The following ABCA5 variants were observed in gnomAD, a reference collection of about 807,000 sequenced individuals.
ABCA5 encodes ATP binding cassette subfamily A member 5.
ABCA5 carries 163 observed loss-of-function variants against 206.0 expected under a neutral mutation model. The observed-to-expected ratio is 0.79, with a 90% CI of 0.70 to 0.90. The LOEUF (loss-of-function observed/expected upper bound fraction) is 0.90. Among genes scored for constraint, ABCA5 ranks in the 40% least tolerant of loss-of-function variants. The probability of loss-of-function intolerance (pLI) is 0.00; values close to 1 mark genes in which losing one functional copy is unlikely to be tolerated. For missense variants in ABCA5, 1,859 were observed against 1,912.9 expected (o/e 0.97, Z 0.53); for synonymous variants, 609 against 613.8 (o/e 0.99, Z 0.11).
intron 1 of ABCA5, among the ~76,000 whole-genome samples, chr17:69,316,315 A>G (rs1298523269): frequency 6.6e-6 from 1 of 152,162 alleles, no homozygotes; most frequent in Non-Finnish European, 1.5e-5. Context: ...CAACATGGTA[A>G]AACCCCATCT....
chr17:69,263,697 C>CTTTTTT (rs58369537), intron 24 of ABCA5, among the ~76,000 whole-genome samples: 1,934 of 103,616 alleles, frequency 0.019, 164 homozygotes, highest in African/African-American at 0.049. Context: ...ACATGGATTC[C>CTTTTTT]TTTTTTTTTT....
At chr17:69,251,904 T>C in intron 34 of ABCA5, 38 bp from the exon 35 acceptor site, 1 of 1,589,318 alleles carries the variant, frequency 6.3e-7, no homozygotes, top group Non-Finnish European at 8.5e-7. Context: ...GAGGAACACA[T>C]CTGTTTGTTA....
At chr17:69,260,267 C>A in intron 27 of ABCA5, 71 bp downstream of exon 27, 3 of 1,170,194 alleles carry the variant, frequency 2.6e-6, no homozygotes, top group South Asian at 1.5e-5. Flanking sequence ...AAAAACTAAA[C>A]ATAGTTAAAA....
chr17:69,258,686 A>T (rs1158669326), intron 28 of ABCA5, among the ~76,000 whole-genome samples: 1 of 152,106 alleles, frequency 6.6e-6, no homozygotes, highest in Non-Finnish European at 1.5e-5. Flanking sequence ...TTACCCCCAA[A>T]TCTAAAATAT....
intron 9 of ABCA5, among the ~76,000 whole-genome samples, chr17:69,300,309 G>A (rs1275025234): frequency 6.6e-6 from 1 of 152,168 alleles, no homozygotes; most frequent in African/African-American, 2.4e-5. Flanking sequence ...GACAGGAGGT[G>A]GAGCTCAGGT....
chr17:69,275,556 A>T (rs1461627110), intron 19 of ABCA5, among the ~76,000 whole-genome samples: 1 of 152,218 alleles, frequency 6.6e-6, no homozygotes, highest in Non-Finnish European at 1.5e-5. Context: ...ATTCACAATT[A>T]AATAATATTT....
chr17:69,299,700 A>G (rs2075630997), intron 9 of ABCA5, among the ~76,000 whole-genome samples: 1 of 151,850 alleles, frequency 6.6e-6, no homozygotes, highest in South Asian at 2.1e-4. Flanking sequence ...GGCTCAGGGA[A>G]AAGGTGGGAG....
rs2074963562 is a variant in ABCA5 at position 69,247,462 on chromosome 17, A to G, written c.*75T>C. ...TGGTTCTCCAGTTACCATTCCAATAAAAAACTTTTTAAACCAAAGTTAAAA... is the reference window on the plus strand; with the variant it reads ...TGGTTCTCCAGTTACCATTCCAATAGAAAACTTTTTAAACCAAAGTTAAAA... On this transcript the variant is annotated 3_prime_UTR_variant, in exon 39 of 39. Transcript: ENST00000392676. 9.6e-7 allele frequency: 1 copy of G among 1,040,664 alleles called. No homozygotes were observed. Among genetic ancestry groups the G allele is most frequent in the Admixed American group, 2.7e-5 (1 of 37,418 alleles). 64.5% of individuals were successfully genotyped at this position (1,040,664 alleles called of 1,614,324 possible).
rs1380959027 is a variant in ABCA5 at position 69,255,738 on chromosome 17, T to A, written c.3971A>T (p.Lys1324Ile). 1.3e-6 allele frequency: 2 copies of A among 1,583,604 alleles called. No homozygotes were observed. The highest frequency in any genetic ancestry group is 2.4e-5 in the South Asian group (2 of 84,448). The stretch of plus-strand genomic sequence containing the variant: ...AGGAAAAATTAAATACCAGCCTTTT[T>A]TCACACAGAAAGAGATGTATTTAGT... ...VATKYISFCV[K>I]KGEILGLLGP... Residue 1324 changes from lysine to isoleucine, a missense_variant, in exon 30 of 39, where the codon AAA becomes ATA. Transcript: ENST00000392676.
At chr17:69,311,484 TTTTTG>T (rs1052710057) in intron 3 of ABCA5, among the ~76,000 whole-genome samples, 4 of 152,236 alleles carry the variant, frequency 2.6e-5, no homozygotes, top group Admixed American at 1.3e-4. Context: ...GTTTGTTCTT[TTTTTG>T]TTTTGTTTTT....
At chr17:69,258,143 T>C (rs2075103966) in intron 28 of ABCA5, among the ~76,000 whole-genome samples, 1 of 151,954 alleles carries the variant, frequency 6.6e-6, no homozygotes, top group Non-Finnish European at 1.5e-5. Context: ...ATAACTACCA[T>C]TCAACCCAGC....
In ABCA5 at chr17:69,245,489, CT is replaced by C. The variant is rs2074940294; in HGVS notation, c.*2047del. 1 of 151,890 alleles carries C rather than the reference CT, an allele frequency of 6.6e-6. No individual in the cohort carries two copies. The highest frequency in any genetic ancestry group is 1.5e-5 in the Non-Finnish European group (1 of 67,824). 9.4% of individuals were successfully genotyped at this position (151,890 alleles called of 1,614,324 possible). A position where few individuals can be genotyped will look rare whatever the true frequency, so the allele number is the denominator to read the frequency against. ...TATATTTCACTTTTTGCCTCCTTTG[CT>C]TTCCAGCTCACTTACCCTTGTTTTC... On this transcript the variant is annotated 3_prime_UTR_variant, in exon 39 of 39. Transcript: ENST00000392676.
chr17:69,311,011 T>C (rs1407183476), intron 3 of ABCA5, among the ~76,000 whole-genome samples: 1 of 152,110 alleles, frequency 6.6e-6, no homozygotes, highest in Non-Finnish European at 1.5e-5. Context: ...CTAGGTAGCA[T>C]GGCGAAACCC....
chr17:69,255,600 A>G lies in ABCA5; in HGVS notation c.4011T>C (p.Ala1337=). 1 of 1,583,006 alleles carries G rather than the reference A, an allele frequency of 6.3e-7. No individual in the cohort carries two copies. The highest frequency in any genetic ancestry group is 1.4e-5 in the African/African-American group (1 of 73,116). The change falls in exon 31 of 39, where the codon GCT becomes GCC. Residue 1337 remains alanine, a synonymous_variant. Coordinates refer to ENST00000392676, the MANE Select transcript of ABCA5 (RefSeq NM_172232.4). ...GAATATTAATAATTGTGCTTTTGCC[A>G]GCACCATTTGGACCCAATAGTCCTA... is the stretch of plus-strand genomic sequence containing the variant. ...EILGLLGPNG[A]GKSTIINILV...
intron 18 of ABCA5, among the ~76,000 whole-genome samples, chr17:69,282,624 C>A (rs746036359): frequency 2.9e-4 from 43 of 150,082 alleles, no homozygotes; most frequent in Non-Finnish European, 3.3e-4. Context: ...CAACAACTAG[C>A]TGGGCGTGGT....
intron 15 of ABCA5, among the ~76,000 whole-genome samples, chr17:69,287,333 A>T (rs938031518): frequency 3.3e-5 from 5 of 152,072 alleles, no homozygotes; most frequent in African/African-American, 1.2e-4. Flanking sequence ...TCCCTTTGCT[A>T]ACTTAGCTTT....
At position 69,285,907 on chromosome 17, in the gene ABCA5, T is replaced by A. The variant is rs1232047392; in HGVS notation, c.2263A>T (p.Lys755Ter). Residue 755 changes from lysine (K) to a stop codon, truncating the protein, a stop_gained, in exon 17 of 39, where the codon AAA becomes TAA. Transcript: ENST00000392676. LOFTEE classifies it high-confidence loss of function. Reference protein sequence around the residue: ...VYSLPFKDMDKFSGLFSALDS... With the variant: ...VYSLPFKDMD The stretch of plus-strand genomic sequence containing the variant: ...TTAAAGTAAGTAATACCTGAAAATT[T>A]GTCCATGTCCTTGAAAGGCAAGCTA... The A allele has an allele frequency of 1.2e-6, 2 of 1,610,802 alleles. No homozygotes were observed. Among genetic ancestry groups the A allele is most frequent in the African/African-American group, 2.7e-5 (2 of 74,760 alleles).
chr17:69,306,415 T>C (rs2075717324), intron 6 of ABCA5, among the ~76,000 whole-genome samples: 2 of 152,114 alleles, frequency 1.3e-5, no homozygotes, highest in East Asian at 1.9e-4. Flanking sequence ...CACAGAAATA[T>C]ACGTGGAGTA....
Position 69,289,252 on chromosome 17 carries a change from A to G in ABCA5, c.1827T>C (p.Asp609=), listed in dbSNP as rs200453508. ...LLDLDMQTIK[D]NQAKKLSGGQ... ...CACCACTTAATTTTTTAGCTTGGTT[A>G]TCTTTGATAGTCTGCATGTCTAAAT... is the stretch of plus-strand genomic sequence containing the variant. Residue 609 remains aspartate, a synonymous_variant, in exon 14 of 39, where the codon GAT becomes GAC. Coordinates refer to ENST00000392676, the MANE Select transcript of ABCA5 (RefSeq NM_172232.4). 11 of 1,607,736 alleles carry G rather than the reference A, an allele frequency of 6.8e-6. No individual in the cohort carries two copies. In the African/African-American group the frequency reaches 1.2e-4, roughly 18 times the overall value.
Sources: gnomAD v4.1 joint callset for allele counts (sites outside exome capture counted in the v4.1 genomes callset) on GRCh38, gnomAD v4.1.1 for gene constraint, MANE v1.5 for transcripts, NCBI Gene and HGNC (gene_info 2026-07-23, HGNC 2026-07-21) for gene names.